The following NRG1 variants were observed in gnomAD, a reference collection of about 807,000 sequenced individuals.
NRG1 encodes pro-neuregulin-1, membrane-bound isoform.
NRG1 carries 18 observed loss-of-function variants against 63.8 expected under a neutral mutation model. The observed-to-expected ratio is 0.28, with a 90% CI of 0.19 to 0.42. The LOEUF (loss-of-function observed/expected upper bound fraction) is 0.42. NRG1 is among the 10% of genes least tolerant of loss of function. The pLI is 1.00. For synonymous variants in NRG1, 302 were observed against 301.3 expected (o/e 1.00, Z -0.02); for missense variants, 762 against 814.7 (o/e 0.94, Z 0.79).
At chr8:32,491,923 C>T (rs972079626) in intron 1 of NRG1, among the ~76,000 whole-genome samples, 3 of 152,210 alleles carry the variant, frequency 2.0e-5, no homozygotes, top group South Asian at 2.1e-4. Flanking sequence ...AGCTTGTTCA[C>T]TTTTGAAAAG....
chr8:32,519,941 TC>T (rs1234694729), intron 1 of NRG1, among the ~76,000 whole-genome samples: 2 of 152,192 alleles, frequency 1.3e-5, no homozygotes, highest in African/African-American at 4.8e-5. Flanking sequence ...TCTCACATTT[TC>T]ATAAGTGTTC....
intron 1 of NRG1, among the ~76,000 whole-genome samples, chr8:32,285,196 T>C (rs576302602): frequency 6.6e-6 from 1 of 152,144 alleles, no homozygotes; most frequent in African/African-American, 2.4e-5. Flanking sequence ...CATTCTAAAC[T>C]GGAAAGGGCC....
At chr8:32,745,918 G>A (rs547984004) in intron 7 of NRG1, among the ~76,000 whole-genome samples, 11 of 152,316 alleles carry the variant, frequency 7.2e-5, no homozygotes, top group Non-Finnish European at 1.0e-4. Context: ...CTCACACTGA[G>A]TAAATTTAGC....
At chr8:31,984,203 A>G (rs1809646032) in intron 1 of NRG1, among the ~76,000 whole-genome samples, 1 of 152,144 alleles carries the variant, frequency 6.6e-6, no homozygotes, top group South Asian at 2.1e-4. Flanking sequence ...TAGAATAGGA[A>G]ATTCTGAAAG....
intron 1 of NRG1, among the ~76,000 whole-genome samples, chr8:32,474,845 C>T (rs1424140422): frequency 2.0e-5 from 3 of 151,980 alleles, no homozygotes; most frequent in Non-Finnish European, 2.9e-5. Context: ...GCTATGGCAC[C>T]GGTACTATGT....
chr8:31,813,524 T>TC (rs1196353618), intron 1 of NRG1, among the ~76,000 whole-genome samples: 19 of 139,760 alleles, frequency 1.4e-4, no homozygotes, highest in Non-Finnish European at 1.8e-4. Flanking sequence ...TTCTTTTTTT[T>TC]TTTTTTTTTG....
intron 1 of NRG1, among the ~76,000 whole-genome samples, chr8:31,731,396 G>A (rs924684793): frequency 7.5e-5 from 11 of 146,214 alleles, no homozygotes; most frequent in African/African-American, 2.6e-4. Context: ...AGTTTTAAAA[G>A]TAGGATACAA....
chr8:32,080,532 T>C (rs1031552248), intron 1 of NRG1, among the ~76,000 whole-genome samples: 6 of 152,174 alleles, frequency 3.9e-5, no homozygotes, highest in Non-Finnish European at 8.8e-5. Context: ...GGGATAGATG[T>C]ATTTTTTAAT....
In NRG1 at chr8:32,285,722, G is replaced by A. The variant is rs1364382494; in HGVS notation, c.38-310106G>A. ...ATGAGGTTCCGTATGCCTCACTCTA[G>A]GTGATGTTTTTATTAGTACCATGTT... is the stretch of plus-strand genomic sequence containing the variant. On this transcript the variant is annotated intron_variant, in intron 1 of 10. Transcript: ENST00000519301. Among the ~76,000 whole-genome samples the A allele has an allele frequency of 2.0e-5, 3 of 152,140 alleles. No homozygotes were observed. In the East Asian group the frequency reaches 5.8e-4, roughly 29 times the overall value.
chr8:32,157,039 A>G (rs1313291004), intron 1 of NRG1, among the ~76,000 whole-genome samples: 2 of 145,648 alleles, frequency 1.4e-5, no homozygotes, highest in Non-Finnish European at 3.0e-5. Flanking sequence ...AAATACTTCA[A>G]ATTAAAACTC....
chr8:32,646,921 G>GGAGA lies in NRG1; in HGVS notation c.502+30040_502+30043dup, dbSNP rs201584981. ...GGGAGAGGGGGAGGAAAGAGAGAGA[G>GGAGA]GAGAGAGGACGGGCTTGGATGAAGA... On this transcript the variant is annotated intron_variant, in intron 5 of 11. Transcript: ENST00000356819. The GGAGA allele has an allele frequency of 9.0e-3, 8,861 of 985,006 alleles. 38 individuals are homozygous for GGAGA. The highest frequency in any genetic ancestry group is 0.015 in the Middle Eastern group (28 of 1,914). The allele number at this position is 985,006 out of a possible 1,614,324, so 61.0% of individuals were successfully genotyped here. A position where few individuals can be genotyped will look rare whatever the true frequency, so the allele number is the denominator to read the frequency against.
intron 5 of NRG1, among the ~76,000 whole-genome samples, chr8:32,644,069 A>G (rs1283841594): frequency 1.3e-5 from 2 of 152,092 alleles, no homozygotes; most frequent in African/African-American, 4.8e-5. Flanking sequence ...GCCTGGGCCA[A>G]TGAAATAAAA....
intron 1 of NRG1, among the ~76,000 whole-genome samples, chr8:32,523,914 G>A (rs983107826): frequency 2.6e-5 from 4 of 152,062 alleles, no homozygotes; most frequent in South Asian, 2.1e-4. Context: ...GTCTATATCC[G>A]TGATTGCTTT....
rs554456952 is a variant in NRG1 at position 31,974,128 on chromosome 8, A to G, written c.37+334697A>G. On this transcript the variant is annotated intron_variant, in intron 1 of 10. Coordinates refer to the NRG1 transcript ENST00000519301. ...ACGTTATATGAGTCTTCATGTTCAT[A>G]GGCAAAACAAAACAAAACAACAGGC... is the stretch of plus-strand genomic sequence containing the variant. Among the ~76,000 whole-genome samples, 4 of 152,288 alleles carry G rather than the reference A, an allele frequency of 2.6e-5. No individual in the cohort carries two copies. The East Asian group carries it at 7.7e-4, about 29-fold the overall frequency.
chr8:32,500,849 G>GT (rs1194916780), intron 1 of NRG1, among the ~76,000 whole-genome samples: 2 of 152,078 alleles, frequency 1.3e-5, no homozygotes, highest in African/African-American at 4.8e-5. Flanking sequence ...AATTATAATT[G>GT]TTTTTTATCA....
intron 1 of NRG1, among the ~76,000 whole-genome samples, chr8:32,524,567 A>T (rs1477310914): frequency 6.6e-6 from 1 of 152,054 alleles, no homozygotes; most frequent in Non-Finnish European, 1.5e-5. Context: ...CAAGAAAAAA[A>T]CATTCCAGTT....
chr8:32,488,465 C>T (rs183622223), intron 1 of NRG1, among the ~76,000 whole-genome samples: 1 of 152,070 alleles, frequency 6.6e-6, no homozygotes, highest in Non-Finnish European at 1.5e-5. Flanking sequence ...TTGGGAAATA[C>T]CCCCCAAAAT....
At position 31,784,565 on chromosome 8, in the gene NRG1, C is replaced by T. The variant is rs142772577; in HGVS notation, c.37+145134C>T. ...TGTTGCAAATAGCAGAATTTGCACA[C>T]GCTAGTTGAATCAGAAAACAATAAC... On this transcript the variant is annotated intron_variant, in intron 1 of 10. Coordinates refer to the NRG1 transcript ENST00000519301. Among the ~76,000 whole-genome samples, 59 of 152,244 alleles carry T rather than the reference C, an allele frequency of 3.9e-4. 1 individual carries two copies. The highest frequency in any genetic ancestry group is 7.1e-4 in the Non-Finnish European group (48 of 68,016).
intron 1 of NRG1, among the ~76,000 whole-genome samples, chr8:31,807,948 CGTGTGTGTGTGTGT>C (rs71208141): frequency 7.3e-6 from 1 of 137,068 alleles, no homozygotes; most frequent in Admixed American, 7.2e-5. Flanking sequence ...AGAGTATTCG[CGTGTGTGTGTGTGT>C]GTGTGTGTGT....
Sources: gnomAD v4.1 joint callset for allele counts (sites outside exome capture counted in the v4.1 genomes callset) on GRCh38, gnomAD v4.1.1 for gene constraint, MANE v1.5 for transcripts, NCBI Gene and HGNC (gene_info 2026-07-23, HGNC 2026-07-21) for gene names.